The following IL1RAPL2 variants were observed in gnomAD, a reference collection of about 807,000 sequenced individuals.
IL1RAPL2 encodes interleukin 1 receptor accessory protein like 2.
In IL1RAPL2, 3 loss-of-function variants were observed where a neutral mutation model predicts 44.1. That is an observed-to-expected ratio of 0.07 (90% confidence interval 0.03 to 0.18). The LOEUF is 0.18. Ranked by LOEUF, IL1RAPL2 falls within the 10% of genes least tolerant of loss-of-function variation. The probability of loss-of-function intolerance (pLI) is 1.00; values close to 1 mark genes in which losing one functional copy is unlikely to be tolerated. For missense variants in IL1RAPL2, 391 were observed against 496.4 expected (o/e 0.79, Z 2.02); for synonymous variants, 181 against 178.8 (o/e 1.01, Z -0.10).
At chrX:105,085,774 T>C (rs760472644) in intron 2 of IL1RAPL2, among the ~76,000 whole-genome samples, 1 of 112,231 alleles carries the variant, frequency 8.9e-6, no homozygotes, top group African/African-American at 3.2e-5. Flanking sequence ...TTGCTACTAA[T>C]AGCTTTCTGT....
At position 105,365,361 on chromosome X, in the gene IL1RAPL2, G is replaced by A. The variant is rs192804906; in HGVS notation, c.697+97820G>A. On this transcript the variant is annotated intron_variant, in intron 5 of 10. Coordinates refer to ENST00000372582, the MANE Select transcript of IL1RAPL2 (RefSeq NM_017416.2). The stretch of plus-strand genomic sequence containing the variant: ...ATTAGGAATATTGGCCTGTAGTTTT[G>A]TTTTCTTGTGTCCTTGTCTGGCTTT... Among the ~76,000 whole-genome samples, 43 of 111,177 alleles carry A rather than the reference G, an allele frequency of 3.9e-4. No individual in the cohort carries two copies. In the Admixed American group the frequency reaches 4.0e-3, roughly 10 times the overall value.
intron 4 of IL1RAPL2, among the ~76,000 whole-genome samples, chrX:105,261,428 A>G (rs2034358541): frequency 1.8e-5 from 2 of 111,807 alleles, no homozygotes; most frequent in Admixed American, 1.9e-4. Flanking sequence ...CATCCTGGCC[A>G]CTTCATATCT....
chrX:104,670,248 G>T (rs1170182204), intron 2 of IL1RAPL2, among the ~76,000 whole-genome samples: 1 of 111,454 alleles, frequency 9.0e-6, no homozygotes, highest in Non-Finnish European at 1.9e-5. Context: ...CAAATCACTG[G>T]TGTAAGTCCA....
intron 6 of IL1RAPL2, among the ~76,000 whole-genome samples, chrX:105,604,224 T>G (rs1184260575): frequency 2.7e-5 from 3 of 111,267 alleles, no homozygotes; most frequent in Non-Finnish European, 5.7e-5. Context: ...TGAAAAGTTT[T>G]TCTTTCAAAA....
At chrX:104,891,743 A>G (rs1923448404) in intron 2 of IL1RAPL2, among the ~76,000 whole-genome samples, 2 of 111,822 alleles carry the variant, frequency 1.8e-5, no homozygotes, top group Middle Eastern at 4.6e-3. Flanking sequence ...TCTGCAAACA[A>G]GAACAACTTG....
intron 5 of IL1RAPL2, among the ~76,000 whole-genome samples, chrX:105,294,026 G>A (rs753741430): frequency 8.9e-6 from 1 of 112,349 alleles, no homozygotes; most frequent in South Asian, 3.7e-4. Flanking sequence ...ATGATGTGCT[G>A]TTTCCTTTAC....
Position 105,580,046 on chromosome X carries a change from T to C in IL1RAPL2, c.772+95659T>C, listed in dbSNP as rs544047492. Reference sequence around the variant, plus strand: ...ACAAATTGCTTTCACAACTTCTTTATTGCGAGTAAATTGTTCAGGTAAAAC... The same window carrying C: ...ACAAATTGCTTTCACAACTTCTTTACTGCGAGTAAATTGTTCAGGTAAAAC... On this transcript the variant is annotated intron_variant, in intron 6 of 10. Transcript: ENST00000372582. Among the ~76,000 whole-genome samples the C allele has an allele frequency of 4.5e-5, 5 of 111,950 alleles. No individual in the cohort carries two copies. In the East Asian group the frequency reaches 1.1e-3, roughly 25 times the overall value.
intron 2 of IL1RAPL2, among the ~76,000 whole-genome samples, chrX:104,888,762 C>T (rs917834715): frequency 9.1e-6 from 1 of 109,881 alleles, no homozygotes; most frequent in Non-Finnish European, 1.9e-5. Context: ...ACCTACTACC[C>T]TAGTTATGAA....
chrX:105,445,954 G>A (rs1341306022), intron 5 of IL1RAPL2, among the ~76,000 whole-genome samples: 1 of 111,450 alleles, frequency 9.0e-6, no homozygotes, highest in Non-Finnish European at 1.9e-5. Flanking sequence ...TTGATTTTCT[G>A]TCTGGAAGCT....
At chrX:105,538,597 A>G (rs1028498878) in intron 6 of IL1RAPL2, among the ~76,000 whole-genome samples, 5 of 111,380 alleles carry the variant, frequency 4.5e-5, no homozygotes, top group Non-Finnish European at 7.5e-5. Flanking sequence ...TTACCCTTCA[A>G]ACCTCTTCAG....
chrX:105,363,289 AATATATATATATATATATAATATATATAT>A (rs1207315551), intron 5 of IL1RAPL2, among the ~76,000 whole-genome samples: 1 of 76,236 alleles, frequency 1.3e-5, no homozygotes, highest in African/African-American at 8.2e-5. Flanking sequence ...ATATATATAT[AATATATATATATATATATAATATATATAT>A]ATATATATAT....
At chrX:105,401,946 A>C (rs963167726) in intron 5 of IL1RAPL2, among the ~76,000 whole-genome samples, 1 of 109,935 alleles carries the variant, frequency 9.1e-6, no homozygotes, top group African/African-American at 3.3e-5. Flanking sequence ...AGTATCCTGA[A>C]GGTAACTAGC....
chrX:104,935,563 G>A (rs905315889), intron 2 of IL1RAPL2, among the ~76,000 whole-genome samples: 13 of 112,152 alleles, frequency 1.2e-4, no homozygotes, highest in African/African-American at 4.2e-4. Flanking sequence ...AACAATATAT[G>A]TATTCCTCTT....
At chrX:105,729,738 C>T (rs777773709) in intron 7 of IL1RAPL2, among the ~76,000 whole-genome samples, 1 of 109,621 alleles carries the variant, frequency 9.1e-6, no homozygotes, top group African/African-American at 3.3e-5. Context: ...TCATGGACTA[C>T]ATTTTTGTCG....
chrX:105,097,648 A>G (rs1188526124), intron 2 of IL1RAPL2, among the ~76,000 whole-genome samples: 1 of 111,780 alleles, frequency 8.9e-6, no homozygotes, highest in Admixed American at 9.5e-5. Flanking sequence ...GTACACCATT[A>G]AAGTTTAAAA....
At chrX:105,222,959 A>G (rs931043510) in intron 3 of IL1RAPL2, among the ~76,000 whole-genome samples, 4 of 111,168 alleles carry the variant, frequency 3.6e-5, no homozygotes, top group Admixed American at 9.5e-5. Flanking sequence ...AGACCAGCCT[A>G]GCAAACATGG....
chrX:104,781,058 T>G (rs957242020), intron 2 of IL1RAPL2, among the ~76,000 whole-genome samples: 1 of 93,059 alleles, frequency 1.1e-5, no homozygotes, highest in Non-Finnish European at 2.2e-5. Flanking sequence ...CTTTCTACTT[T>G]ACTTAGTTTT....
chrX:105,680,988 G>A (rs1306573312), intron 6 of IL1RAPL2, among the ~76,000 whole-genome samples: 1 of 111,994 alleles, frequency 8.9e-6, no homozygotes, highest in Non-Finnish European at 1.9e-5. Context: ...AGACAAAAGA[G>A]TATGACCTAA....
At chrX:105,370,551 T>C (rs924550103) in intron 5 of IL1RAPL2, among the ~76,000 whole-genome samples, 7 of 112,169 alleles carry the variant, frequency 6.2e-5, no homozygotes, top group Admixed American at 4.7e-4. Context: ...GCAAATGACA[T>C]GATATAATTC....
Sources: gnomAD v4.1 joint callset for allele counts (sites outside exome capture counted in the v4.1 genomes callset) on GRCh38, gnomAD v4.1.1 for gene constraint, MANE v1.5 for transcripts, NCBI Gene and HGNC (gene_info 2026-07-23, HGNC 2026-07-21) for gene names.